The following RAPGEF4 variants were observed in gnomAD, a reference collection of about 807,000 sequenced individuals.
The protein encoded by RAPGEF4 is RAP guanine-nucleotide-exchange factor (GEF) 4.
In RAPGEF4, 66 loss-of-function variants were observed where a neutral mutation model predicts 147.9. The ratio of observed to expected loss-of-function variants is 0.45; its 90% confidence interval spans 0.37 to 0.55. The LOEUF (loss-of-function observed/expected upper bound fraction) is 0.55, where lower values mean the gene tolerates loss of function less well. Ranked by LOEUF, RAPGEF4 falls within the 20% of genes least tolerant of loss-of-function variation. The pLI is 0.00. For synonymous variants in RAPGEF4, 419 were observed against 442.7 expected, an observed-to-expected ratio of 0.95 and a Z score of 0.67; for missense variants, 1,071 against 1,257.3, an observed-to-expected ratio of 0.85 and a Z score of 2.24.
intron 1 of RAPGEF4, among the ~76,000 whole-genome samples, chr2:172,737,263 A>C (rs1338973166): frequency 6.6e-6 from 1 of 152,180 alleles, no homozygotes; most frequent in Non-Finnish European, 1.5e-5. Context: ...TGCATGCAAT[A>C]AATAGTAAGA....
At chr2:173,038,469 T>G (rs147694737) in intron 29 of RAPGEF4, among the ~76,000 whole-genome samples, 3 of 152,156 alleles carry the variant, frequency 2.0e-5, no homozygotes, top group Admixed American at 2.0e-4. Context: ...ATGGCTATCA[T>G]TCTCAGCAAA....
intron 4 of RAPGEF4, among the ~76,000 whole-genome samples, chr2:172,849,243 A>C (rs1457554354): frequency 6.6e-6 from 1 of 152,206 alleles, no homozygotes; most frequent in Non-Finnish European, 1.5e-5. Context: ...TTCTCACTAT[A>C]AAAAACAATA....
chr2:172,781,938 G>T (rs983348579), intron 1 of RAPGEF4, among the ~76,000 whole-genome samples: 4 of 151,878 alleles, frequency 2.6e-5, no homozygotes, highest in African/African-American at 9.7e-5. Flanking sequence ...TTCTTCAGAC[G>T]CAGAACCCAC....
At chr2:172,971,306 G>T (rs1011127311) in intron 10 of RAPGEF4, among the ~76,000 whole-genome samples, 1 of 152,164 alleles carries the variant, frequency 6.6e-6, no homozygotes, top group Non-Finnish European at 1.5e-5. Flanking sequence ...GTTCAGGATG[G>T]TCTATCAGAG....
rs34032216 is a variant in RAPGEF4, at chr2:172,784,828, A to ATT, written c.66-10184_66-10183dup. On this transcript the variant is annotated intron_variant, in intron 1 of 30. Coordinates refer to ENST00000397081, the MANE Select transcript of RAPGEF4 (RefSeq NM_007023.4). ...CTAAATGTGTGTAAAATGAGATTCT[A>ATT]TTTTTTTTTTTTTTGTGACGGAGTT... Among the ~76,000 whole-genome samples the ATT allele has an allele frequency of 2.3e-3, 328 of 143,548 alleles. 1 individual carries two copies. Among genetic ancestry groups the ATT allele is most frequent in the African/African-American group, 4.7e-3 (183 of 39,270 alleles). 94.2% of individuals were successfully genotyped at this position (143,548 alleles called of 152,430 possible).
At chr2:173,020,573 C>T (rs1031486428) in intron 22 of RAPGEF4, 45 bp from the exon 23 acceptor site, 37 of 1,487,488 alleles carry the variant, frequency 2.5e-5, no homozygotes, top group Non-Finnish European at 2.9e-5. Context: ...TGCAGCAAAT[C>T]TCAGATGTAT....
Position 172,988,751 on chromosome 2 carries a change from A to G in RAPGEF4, c.1286A>G (p.Asp429Gly), listed in dbSNP as rs1162989294. The G allele has an allele frequency of 6.2e-7, 1 of 1,612,106 alleles. No individual in the cohort carries two copies. Among genetic ancestry groups the G allele is most frequent in the Non-Finnish European group, 8.5e-7 (1 of 1,178,128 alleles). The change falls in exon 14 of 31, where the codon GAT becomes GGT. Residue 429 changes from aspartate (D) to glycine (G), a missense_variant. Asp to Gly is a moderately conservative substitution (Grantham distance 94). Transcript: ENST00000397081. ...DDFGKLALVNDAPRAASIVLR... is the reference protein window; with the variant it reads ...DDFGKLALVNGAPRAASIVLR... ...TTCGGCAAGTTAGCACTAGTGAATG[A>G]TGCCCCACGAGCTGCCTCTATCGTC...
At chr2:173,033,173 A>G (rs1233551074) in intron 26 of RAPGEF4, among the ~76,000 whole-genome samples, 1 of 152,216 alleles carries the variant, frequency 6.6e-6, no homozygotes, top group Non-Finnish European at 1.5e-5. Context: ...GAACTATCCA[A>G]TTTTGTATTA....
In RAPGEF4 at chr2:172,906,298, A is replaced by G. The variant is rs149260973; in HGVS notation, c.445-11504A>G. 5.7e-4 allele frequency among the ~76,000 whole-genome samples: 87 copies of G among 152,332 alleles called. 1 individual carries two copies. Among genetic ancestry groups the G allele is most frequent in the Non-Finnish European group, 6.0e-4 (41 of 68,020 alleles). Reference sequence around the variant, plus strand: ...AGTGGAACATAATGAATGGGACCTTATGATGAGACACATCCCCACATCCCC... The same window carrying G: ...AGTGGAACATAATGAATGGGACCTTGTGATGAGACACATCCCCACATCCCC... On this transcript the variant is annotated intron_variant, in intron 4 of 30. Transcript: ENST00000397081.
intron 1 of RAPGEF4, among the ~76,000 whole-genome samples, chr2:172,761,443 G>A (rs1553505883): frequency 6.6e-6 from 1 of 152,032 alleles, no homozygotes; most frequent in African/African-American, 2.4e-5. Context: ...TGCCCGGCCT[G>A]AAGTGGAACA....
intron 25 of RAPGEF4, among the ~76,000 whole-genome samples, 159 bp downstream of exon 25, chr2:173,027,418 C>T (rs16861206): frequency 0.039 from 5,892 of 152,224 alleles, 151 homozygotes; most frequent in Admixed American, 0.075. Flanking sequence ...ATGGATCTCT[C>T]CTATATTTTG....
At chr2:172,988,025 A>G (rs1423419345) in intron 12 of RAPGEF4, among the ~76,000 whole-genome samples, 171 bp from the exon 13 acceptor site, 4 of 152,240 alleles carry the variant, frequency 2.6e-5, no homozygotes, top group African/African-American at 4.8e-5. Flanking sequence ...TTTGTATTCT[A>G]TAGAAAAGGA....
rs757654029 is a variant in RAPGEF4 at position 172,814,371 on chromosome 2, G to A, written c.390G>A (p.Arg130=). ...CCCGCCATGCAACCATCGTTACCAG[G>A]GAGAGCAGTGAACTGCTCCGCATCG... The part of the protein sequence containing the change: ...NTPRHATIVT[R]ESSELLRIEQ... Residue 130 remains arginine, a synonymous_variant, in exon 4 of 31, where the codon AGG becomes AGA. Transcript: ENST00000397081. 1.2e-6 allele frequency: 2 copies of A among 1,614,116 alleles called. No homozygotes were observed.
At chr2:172,766,306 T>C (rs2357806) in intron 1 of RAPGEF4, among the ~76,000 whole-genome samples, 148,566 of 152,250 alleles carry the variant, frequency 0.98, 72,595 homozygotes, top group East Asian at 1. Context: ...AATGCTGGCA[T>C]TTTGGGAGGC....
At chr2:172,938,190 T>C (rs1686789919) in intron 6 of RAPGEF4, among the ~76,000 whole-genome samples, 1 of 150,158 alleles carries the variant, frequency 6.7e-6, no homozygotes, top group Non-Finnish European at 1.5e-5. Context: ...CATCCTAACC[T>C]GTGCATATAC....
chr2:172,942,358 CT>C (rs1687246900), intron 6 of RAPGEF4, among the ~76,000 whole-genome samples: 1 of 151,714 alleles, frequency 6.6e-6, no homozygotes, highest in African/African-American at 2.4e-5. Flanking sequence ...CATCTGCTTT[CT>C]TCCTCTCTAA....
At chr2:172,784,823 AT>A (rs1685036146) in intron 1 of RAPGEF4, among the ~76,000 whole-genome samples, 1 of 150,516 alleles carries the variant, frequency 6.6e-6, no homozygotes, top group Admixed American at 6.7e-5. Flanking sequence ...GTAAAATGAG[AT>A]TCTATTTTTT....
At chr2:172,995,253 G>T (rs1457268410) in intron 15 of RAPGEF4, among the ~76,000 whole-genome samples, 2 of 91,328 alleles carry the variant, frequency 2.2e-5, no homozygotes, top group African/African-American at 3.1e-5. Flanking sequence ...GTTTGTGTGT[G>T]TGTGTGTGTG....
At chr2:172,980,878 C>T (rs530157036) in intron 10 of RAPGEF4, among the ~76,000 whole-genome samples, 1 of 152,140 alleles carries the variant, frequency 6.6e-6, no homozygotes, top group Admixed American at 6.6e-5. Context: ...CTCAAACTGA[C>T]CTGAAGTGAT....
Sources: allele counts gnomAD v4.1 joint callset (sites outside exome capture counted in the v4.1 genomes callset), GRCh38; gene constraint gnomAD v4.1.1; transcripts MANE v1.5; gene names NCBI Gene and HGNC (gene_info 2026-07-23, HGNC 2026-07-21).